CSMD1: variants seen among roughly 807,000 people sequenced by gnomAD.
CSMD1 encodes the protein CUB and sushi domain-containing protein 1.
Under a neutral mutation model 417.5 loss-of-function variants are expected in CSMD1, and 213 were observed. The observed-to-expected ratio is 0.51, with a 90% CI of 0.46 to 0.57. CSMD1 has a LOEUF of 0.57. Among genes scored for constraint, CSMD1 ranks in the 20% least tolerant of loss-of-function variants. The pLI, the probability that CSMD1 is intolerant of heterozygous loss-of-function variation, is 0.00. For missense variants in CSMD1, 6,923 were observed against 4,529.7 expected (o/e 1.53, Z -15.17); for synonymous variants, 2,862 against 1,736.8 (o/e 1.65, Z -16.11).
At chr8:4,038,242 G>A (rs556792209) in intron 3 of CSMD1, among the ~76,000 whole-genome samples, 17 of 152,126 alleles carry the variant, frequency 1.1e-4, no homozygotes, top group Non-Finnish European at 2.2e-4. Flanking sequence ...TGGGAACAAT[G>A]TGAATAAATA....
At chr8:3,945,347 G>A (rs968412903) in intron 5 of CSMD1, among the ~76,000 whole-genome samples, 3 of 152,070 alleles carry the variant, frequency 2.0e-5, no homozygotes, top group African/African-American at 7.2e-5. Context: ...ACATAATGAT[G>A]TCCACAAAGC....
At chr8:4,216,026 C>G (rs753227945) in intron 3 of CSMD1, among the ~76,000 whole-genome samples, 8 of 152,310 alleles carry the variant, frequency 5.3e-5, no homozygotes, top group Non-Finnish European at 1.2e-4. Context: ...AGTCCTCTAA[C>G]TTCCTGACAG....
rs536803536 is a variant in CSMD1, at chr8:4,206,576, A to C, written c.416-174477T>G. 1.6e-4 allele frequency among the ~76,000 whole-genome samples: 25 copies of C among 152,266 alleles called. No individual in the cohort carries two copies. In the South Asian group the frequency reaches 5.2e-3, roughly 32 times the overall value. Reference sequence around the variant, plus strand: ...TATATGTGCCACATTTTCTTAATCCAGTCTATCATTGATGGACATCTGGGT... The same window carrying C: ...TATATGTGCCACATTTTCTTAATCCCGTCTATCATTGATGGACATCTGGGT... On this transcript the variant is annotated intron_variant, in intron 3 of 69. Transcript: ENST00000635120.
At chr8:4,016,597 C>T (rs925800922) in intron 4 of CSMD1, among the ~76,000 whole-genome samples, 1 of 152,170 alleles carries the variant, frequency 6.6e-6, no homozygotes, top group Non-Finnish European at 1.5e-5. Context: ...AGCCTTTCCC[C>T]AGATGAGGAA....
chr8:4,305,615 T>G (rs998466419), intron 3 of CSMD1, among the ~76,000 whole-genome samples: 2 of 152,054 alleles, frequency 1.3e-5, no homozygotes, highest in African/African-American at 4.8e-5. Context: ...AGAATCCACG[T>G]AAGACCGTTT....
intron 3 of CSMD1, among the ~76,000 whole-genome samples, chr8:4,142,299 A>T (rs185165106): frequency 3.3e-5 from 5 of 151,102 alleles, no homozygotes; most frequent in African/African-American, 1.2e-4. Context: ...TCATGCTCCC[A>T]AAGATTTGCT....
At chr8:2,941,604 A>C (rs77139050) in intron 69 of CSMD1, among the ~76,000 whole-genome samples, 3,977 of 152,340 alleles carry the variant, frequency 0.026, 178 homozygotes, top group African/African-American at 0.092. Flanking sequence ...TGGCATCCAC[A>C]TTAATCCCAA....
At chr8:3,872,907 C>T (rs974724225) in intron 5 of CSMD1, among the ~76,000 whole-genome samples, 2 of 149,892 alleles carry the variant, frequency 1.3e-5, no homozygotes, top group African/African-American at 2.4e-5. Context: ...TGAACAGACA[C>T]TTCTGAAAAT....
At chr8:4,883,443 A>G (rs539157669) in intron 1 of CSMD1, among the ~76,000 whole-genome samples, 1 of 152,236 alleles carries the variant, frequency 6.6e-6, no homozygotes, top group South Asian at 2.1e-4. Context: ...GAACATTTTT[A>G]TCATCCCAAA....
intron 7 of CSMD1, among the ~76,000 whole-genome samples, chr8:3,627,492 A>C (rs191637033): frequency 1.3e-5 from 2 of 152,302 alleles, no homozygotes; most frequent in East Asian, 3.9e-4. Context: ...ATTTTTATTT[A>C]TATAACCTCA....
intron 3 of CSMD1, among the ~76,000 whole-genome samples, chr8:4,173,499 T>C (rs536502917): frequency 6.6e-6 from 1 of 151,990 alleles, no homozygotes; most frequent in East Asian, 1.9e-4. Flanking sequence ...AGCTAAGTGC[T>C]CTCGGTAGAT....
intron 3 of CSMD1, among the ~76,000 whole-genome samples, chr8:4,040,780 C>T (rs1797846598): frequency 6.6e-6 from 1 of 152,078 alleles, no homozygotes; most frequent in South Asian, 2.1e-4. Flanking sequence ...GATTTGAAAC[C>T]TAGAGACTAG....
At chr8:3,920,834 G>A (rs1809198056) in intron 5 of CSMD1, among the ~76,000 whole-genome samples, 1 of 152,036 alleles carries the variant, frequency 6.6e-6, no homozygotes, top group African/African-American at 2.4e-5. Context: ...ACCTGACTGT[G>A]GTGTATGATC....
chr8:4,012,453 G>A (rs776476348), intron 4 of CSMD1, among the ~76,000 whole-genome samples: 2 of 151,986 alleles, frequency 1.3e-5, no homozygotes, highest in Non-Finnish European at 2.9e-5. Context: ...TTTGTTTCAG[G>A]GGTACACATG....
At chr8:3,227,930 G>A (rs537740714) in intron 27 of CSMD1, among the ~76,000 whole-genome samples, 5 of 151,798 alleles carry the variant, frequency 3.3e-5, no homozygotes, top group Non-Finnish European at 5.9e-5. Flanking sequence ...ACCACCCCTG[G>A]CCAATGTTTG....
chr8:4,031,486 T>C (rs1238338561), intron 4 of CSMD1, among the ~76,000 whole-genome samples: 1 of 152,114 alleles, frequency 6.6e-6, no homozygotes, highest in Non-Finnish European at 1.5e-5. Flanking sequence ...CTTACCCCCA[T>C]GATTCAATTA....
chr8:3,807,734 C>A (rs1313620190), intron 5 of CSMD1, among the ~76,000 whole-genome samples: 1 of 152,098 alleles, frequency 6.6e-6, no homozygotes, highest in Admixed American at 6.6e-5. Context: ...CTTTATTACA[C>A]AGGAATCATC....
At chr8:3,758,497 C>A (rs143736641) in intron 5 of CSMD1, among the ~76,000 whole-genome samples, 1 of 152,278 alleles carries the variant, frequency 6.6e-6, no homozygotes, top group Non-Finnish European at 1.5e-5. Context: ...GTTATTCTAT[C>A]GCTGTCTACA....
intron 1 of CSMD1, among the ~76,000 whole-genome samples, chr8:4,717,404 TATATACACACACACTATATATATACAC>T (rs1203754352): frequency 6.4e-5 from 9 of 141,026 alleles, no homozygotes; most frequent in Non-Finnish European, 1.2e-4. Flanking sequence ...CATATATACA[TATATACACACACACTATATATATACAC>T]ATACACTATA....
Sources: gnomAD v4.1 joint callset for allele counts (sites outside exome capture counted in the v4.1 genomes callset) on GRCh38, gnomAD v4.1.1 for gene constraint, MANE v1.5 for transcripts, NCBI Gene and HGNC (gene_info 2026-07-23, HGNC 2026-07-21) for gene names.